Variants in UNC5D observed in about 807,000 individuals in gnomAD.
UNC5D encodes unc-5 netrin receptor D.
A neutral mutation model predicts 105.4 loss-of-function variants in UNC5D; 39 were observed. The ratio of observed to expected loss-of-function variants is 0.37; its 90% CI spans 0.29 to 0.48. The LOEUF (loss-of-function observed/expected upper bound fraction) is 0.48. Among genes scored for constraint, UNC5D ranks in the 20% least tolerant of loss-of-function variants. UNC5D has a pLI of 0.98. For synonymous variants in UNC5D, 452 were observed against 450.4 expected, an observed-to-expected ratio of 1.00 and a Z score of -0.04; for missense variants, 991 against 1,202.4, an observed-to-expected ratio of 0.82 and a Z score of 2.60.
chr8:35,567,898 C>T (rs927289972), intron 2 of UNC5D, among the ~76,000 whole-genome samples, 200 bp from the exon 3 acceptor site: 19 of 152,182 alleles, frequency 1.2e-4, no homozygotes, highest in African/African-American at 4.1e-4. Flanking sequence ...GTTGATAATA[C>T]TTTACACGTG....
intron 1 of UNC5D, among the ~76,000 whole-genome samples, chr8:35,301,472 A>G (rs528326629): frequency 7.9e-4 from 120 of 152,308 alleles, no homozygotes; most frequent in African/African-American, 2.8e-3. Context: ...TCCATCCAGT[A>G]ACCTGAGTAG....
intron 3 of UNC5D, among the ~76,000 whole-genome samples, chr8:35,590,752 G>A (rs1327042635): frequency 6.6e-6 from 1 of 152,168 alleles, no homozygotes; most frequent in Non-Finnish European, 1.5e-5. Flanking sequence ...AGCTGAAGCA[G>A]AAACATTGAG....
intron 1 of UNC5D, among the ~76,000 whole-genome samples, chr8:35,372,718 C>T (rs1802494105): frequency 6.6e-6 from 1 of 151,964 alleles, no homozygotes; most frequent in African/African-American, 2.4e-5. Flanking sequence ...ATTCTTTTAC[C>T]TCAGCCTCCC....
intron 4 of UNC5D, among the ~76,000 whole-genome samples, chr8:35,613,668 G>A (rs1340686193): frequency 6.6e-6 from 1 of 152,044 alleles, no homozygotes; most frequent in Non-Finnish European, 1.5e-5. Flanking sequence ...GGGAAACATG[G>A]CAAAACCCCA....
At chr8:35,568,518 A>G (rs1001437213) in intron 3 of UNC5D, among the ~76,000 whole-genome samples, 1 of 152,282 alleles carries the variant, frequency 6.6e-6, no homozygotes, top group Non-Finnish European at 1.5e-5. Context: ...GCAAAACCCC[A>G]TCTCTACTAA....
In UNC5D at chr8:35,795,317, C is replaced by A. The variant is rs1803213877; in HGVS notation, c.*4754C>A. On this transcript the variant is annotated 3_prime_UTR_variant, in exon 17 of 17. Transcript: ENST00000404895. ...AAAGGCATGATTACAATGGAAATGC[C>A]CCTTTGCCTCCAGTTTTGCTAACCC... 1.3e-5 allele frequency: 2 copies of A among 152,134 alleles called. No homozygotes were observed. The highest frequency in any genetic ancestry group is 4.8e-5 in the African/African-American group (2 of 41,506). 9.4% of individuals were successfully genotyped at this position (152,134 alleles called of 1,614,324 possible). A position where few individuals can be genotyped will look rare whatever the true frequency, so the allele number is the denominator to read the frequency against.
At position 35,670,580 on chromosome 8, in the gene UNC5D, A is replaced by G. The variant is rs951077167; in HGVS notation, c.571-12967A>G. 3.3e-5 allele frequency among the ~76,000 whole-genome samples: 5 copies of G among 152,210 alleles called. No individual in the cohort carries two copies. In the South Asian group the frequency reaches 1.0e-3, roughly 32 times the overall value. ...GCAGGGACATGGATGGAGCTGGAAG[A>G]CATTATCCTCAGCAAACTAACACAG... is the stretch of plus-strand genomic sequence containing the variant. On this transcript the variant is annotated intron_variant, in intron 4 of 16. Coordinates refer to ENST00000404895, the MANE Select transcript of UNC5D (RefSeq NM_080872.4).
At chr8:35,243,391 TAA>T (rs1461904337) in intron 1 of UNC5D, among the ~76,000 whole-genome samples, 2 of 152,182 alleles carry the variant, frequency 1.3e-5, no homozygotes, top group South Asian at 2.1e-4. Flanking sequence ...CACAATATTT[TAA>T]AAGTCTTGGA....
At chr8:35,243,491 A>G (rs1802917064) in intron 1 of UNC5D, among the ~76,000 whole-genome samples, 1 of 152,198 alleles carries the variant, frequency 6.6e-6, no homozygotes, top group Non-Finnish European at 1.5e-5. Context: ...GAATTTTACC[A>G]GTTTGCCCAA....
chr8:35,757,047 A>C (rs1207179705), intron 13 of UNC5D, among the ~76,000 whole-genome samples: 1 of 152,092 alleles, frequency 6.6e-6, no homozygotes, highest in Non-Finnish European at 1.5e-5. Context: ...AAAGAGGTTA[A>C]TATATTATCA....
intron 4 of UNC5D, among the ~76,000 whole-genome samples, chr8:35,648,572 G>A (rs1823205067): frequency 6.6e-6 from 1 of 151,600 alleles, no homozygotes; most frequent in Admixed American, 6.6e-5. Context: ...CCAGCTATTC[G>A]GGAGGCTGAG....
chr8:35,453,276 AG>A (rs1808285779), intron 1 of UNC5D, among the ~76,000 whole-genome samples: 1 of 152,162 alleles, frequency 6.6e-6, no homozygotes, highest in African/African-American at 2.4e-5. Flanking sequence ...AGCCATGACC[AG>A]TGAGACCATC....
At chr8:35,634,575 C>A (rs1822238431) in intron 4 of UNC5D, among the ~76,000 whole-genome samples, 2 of 152,054 alleles carry the variant, frequency 1.3e-5, no homozygotes, top group African/African-American at 4.8e-5. Context: ...AAGAAGCATA[C>A]TGAATTTCAG....
intron 4 of UNC5D, among the ~76,000 whole-genome samples, chr8:35,677,890 CTG>C (rs35785055): frequency 0.47 from 70,106 of 149,110 alleles, 17,950 homozygotes; most frequent in East Asian, 0.63. Flanking sequence ...GTGTGAGTGT[CTG>C]TGTGTGTGTG....
intron 1 of UNC5D, among the ~76,000 whole-genome samples, chr8:35,522,717 T>G (rs1653698657): frequency 6.6e-6 from 1 of 152,232 alleles, no homozygotes; most frequent in South Asian, 2.1e-4. Context: ...ATACTCATCT[T>G]GTTTATAAAA....
chr8:35,513,594 C>A (rs1316337070), intron 1 of UNC5D, among the ~76,000 whole-genome samples: 2 of 152,202 alleles, frequency 1.3e-5, no homozygotes, highest in Non-Finnish European at 2.9e-5. Context: ...TAGTTCTTCT[C>A]CCCTGCTTTA....
At chr8:35,304,256 G>A (rs1317152860) in intron 1 of UNC5D, among the ~76,000 whole-genome samples, 1 of 151,972 alleles carries the variant, frequency 6.6e-6, no homozygotes, top group Non-Finnish European at 1.5e-5. Flanking sequence ...TCTCAGGGAA[G>A]ATATTTACTT....
At chr8:35,255,193 T>C (rs1377489226) in intron 1 of UNC5D, 1 of 152,198 alleles carries the variant, frequency 6.6e-6, no homozygotes, top group African/African-American at 2.4e-5. Context: ...GCTCTTCTTA[T>C]CATCTCAGAA....
chr8:35,361,975 T>C (rs1165287264), intron 1 of UNC5D, among the ~76,000 whole-genome samples: 1 of 152,212 alleles, frequency 6.6e-6, no homozygotes, highest in Non-Finnish European at 1.5e-5. Flanking sequence ...CCAATTAAAA[T>C]TGGTAAACCT....
Sources: allele counts gnomAD v4.1 joint callset (sites outside exome capture counted in the v4.1 genomes callset), GRCh38; gene constraint gnomAD v4.1.1; transcripts MANE v1.5; gene names NCBI Gene and HGNC (gene_info 2026-07-23, HGNC 2026-07-21).